The following PIK3C2G variants were observed in gnomAD, a reference collection of about 807,000 sequenced individuals.
The protein encoded by PIK3C2G is phosphatidylinositol 3-kinase C2 domain-containing subunit gamma.
Under a neutral mutation model 181.1 loss-of-function variants are expected in PIK3C2G, and 168 were observed. The ratio of observed to expected loss-of-function variants is 0.93; its 90% CI spans 0.82 to 1.05. The LOEUF is 1.05. Ranked by LOEUF, PIK3C2G falls within the 50% of genes least tolerant of loss-of-function variation. The pLI is 0.00. For missense variants in PIK3C2G, 1,869 were observed against 1,732.8 expected (o/e 1.08, Z -1.40); for synonymous variants, 573 against 592.2 (o/e 0.97, Z 0.47).
chr12:18,276,000 C>T (rs1948970485), intron 1 of PIK3C2G, among the ~76,000 whole-genome samples: 1 of 152,144 alleles, frequency 6.6e-6, no homozygotes, highest in Non-Finnish European at 1.5e-5. Context: ...AAAGAACACT[C>T]AGTAAAACAA....
intron 29 of PIK3C2G, among the ~76,000 whole-genome samples, chr12:18,587,217 C>T (rs537416749): frequency 6.6e-5 from 10 of 152,086 alleles, no homozygotes; most frequent in South Asian, 4.2e-4. Context: ...AGCAATAAGG[C>T]GAGAGAAATA....
chr12:18,341,489 G>A (rs1286511174), intron 9 of PIK3C2G, among the ~76,000 whole-genome samples: 1 of 150,162 alleles, frequency 6.7e-6, no homozygotes, highest in Admixed American at 6.6e-5. Context: ...AAAAGGAGTT[G>A]AAAATAAGGA....
chr12:18,348,949 T>C (rs4471494), intron 11 of PIK3C2G, among the ~76,000 whole-genome samples: 16,125 of 152,066 alleles, frequency 0.11, 1,209 homozygotes, highest in Admixed American at 0.25. Flanking sequence ...TAAGGTGATA[T>C]TGATGTGGTT....
Position 18,546,419 on chromosome 12 carries a change from A to T in PIK3C2G, c.3577A>T (p.Ser1193Cys). The part of the protein sequence containing the change: ...RPQDTDLEAT[S>C]HFTKKIKESL... ...ACAAGACACAGACCTGGAAGCAACA[A>T]GTCATTTTACCAAGTAAGATCACCT... Residue 1193 changes from serine to cysteine, a missense_variant, in exon 26 of 33, where the codon AGT becomes TGT. Transcript: ENST00000538779. 6.3e-7 allele frequency: 1 copy of T among 1,580,708 alleles called. No homozygotes were observed. The highest frequency in any genetic ancestry group is 1.1e-5 in the South Asian group (1 of 87,740).
chr12:18,697,038 C>A, the PIK3C2G span, among the ~76,000 whole-genome samples: 1 of 152,100 alleles, frequency 6.6e-6, no homozygotes, highest in African/African-American at 2.4e-5. Flanking sequence ...TTCAAACTAA[C>A]TTAAACCCTT....
rs373787112 is a variant in PIK3C2G, at chr12:18,546,476, C to T, written c.3590+44C>T. 49 of 1,009,634 alleles carry T rather than the reference C, an allele frequency of 4.9e-5. 1 individual carries two copies. Among genetic ancestry groups the T allele is most frequent in the Admixed American group, 2.0e-4 (10 of 50,830 alleles). 62.5% of individuals were successfully genotyped at this position (1,009,634 alleles called of 1,614,324 possible). On this transcript the variant is annotated intron_variant, in intron 26 of 32. Coordinates refer to ENST00000538779, the MANE Select transcript of PIK3C2G (RefSeq NM_001288772.2). Reference sequence around the variant, plus strand: ...GTGTGAGCATGCATGCATGAATGTACGCAGACACATGTTCCACAGTGGAGA... The same window carrying T: ...GTGTGAGCATGCATGCATGAATGTATGCAGACACATGTTCCACAGTGGAGA...
Position 18,595,777 on chromosome 12 carries a change from A to C in PIK3C2G, c.4087+1208A>C, listed in dbSNP as rs564174615. On this transcript the variant is annotated intron_variant, in intron 30 of 32. Transcript: ENST00000538779. ...CTGCTGCCACTGTCTTGAAATTCTT[A>C]ATAAGTTTTGAAAAATCATCCCCAC... 1.7e-4 allele frequency among the ~76,000 whole-genome samples: 26 copies of C among 152,146 alleles called. No individual in the cohort carries two copies. In the South Asian group the frequency reaches 5.4e-3, roughly 32 times the overall value.
At chr12:18,723,420 A>C in the PIK3C2G span, 5 of 1,613,016 alleles carry the variant, frequency 3.1e-6, no homozygotes, top group Non-Finnish European at 4.2e-6. Flanking sequence ...TTGCTAAAAG[A>C]ATTTTCCGGT....
intron 29 of PIK3C2G, among the ~76,000 whole-genome samples, chr12:18,582,798 G>T (rs923369863): frequency 1.3e-4 from 19 of 151,830 alleles, no homozygotes; most frequent in African/African-American, 4.6e-4. Context: ...AGAAAAAGCA[G>T]TCAGACTGCT....
chr12:18,704,899 T>C, the PIK3C2G span, among the ~76,000 whole-genome samples: 1 of 152,126 alleles, frequency 6.6e-6, no homozygotes, highest in Non-Finnish European at 1.5e-5. Context: ...TCCTTAATAC[T>C]AATTGCTTTG....
At chr12:18,696,237 AC>A in the PIK3C2G span, 1 of 1,593,566 alleles carries the variant, frequency 6.3e-7, no homozygotes, top group Non-Finnish European at 8.6e-7. Context: ...CTGGTAATGA[AC>A]TTCCTGGTGT....
the PIK3C2G span, chr12:18,699,992 A>G: frequency 6.4e-7 from 1 of 1,559,740 alleles, no homozygotes; most frequent in Non-Finnish European, 8.7e-7. Flanking sequence ...TATGCTAATC[A>G]TTGGGAAAAA....
chr12:18,445,365 A>G (rs764485094), intron 18 of PIK3C2G, among the ~76,000 whole-genome samples: 1 of 152,058 alleles, frequency 6.6e-6, no homozygotes, highest in Non-Finnish European at 1.5e-5. Context: ...TTGGTATTCA[A>G]CTTGAATTAT....
At chr12:18,697,922 T>G in the PIK3C2G span, among the ~76,000 whole-genome samples, 1 of 152,124 alleles carries the variant, frequency 6.6e-6, no homozygotes, top group Non-Finnish European at 1.5e-5. Flanking sequence ...CTATGCCCCT[T>G]CAAAGAAATG....
intron 1 of PIK3C2G, among the ~76,000 whole-genome samples, chr12:18,266,496 A>T (rs562824669): frequency 9.5e-4 from 144 of 152,264 alleles, no homozygotes; most frequent in African/African-American, 3.4e-3. Context: ...ATTTAGACCT[A>T]GTCAATGTTA....
intron 31 of PIK3C2G, among the ~76,000 whole-genome samples, chr12:18,626,780 G>A (rs892293386): frequency 1.3e-5 from 2 of 151,844 alleles, no homozygotes; most frequent in African/African-American, 4.8e-5. Flanking sequence ...AAGTTTGCTG[G>A]TAGTTGTATT....
At chr12:18,292,942 CACTA>C (rs916007761) in intron 4 of PIK3C2G, among the ~76,000 whole-genome samples, 4 of 152,130 alleles carry the variant, frequency 2.6e-5, no homozygotes, top group African/African-American at 9.7e-5. Context: ...TGACACTTAA[CACTA>C]ACTGTGTAAT....
At chr12:18,635,531 C>G (rs1369384805) in intron 31 of PIK3C2G, among the ~76,000 whole-genome samples, 1 of 152,140 alleles carries the variant, frequency 6.6e-6, no homozygotes, top group Non-Finnish European at 1.5e-5. Context: ...GGCCTAGTAG[C>G]AGGTCAAGAG....
intron 18 of PIK3C2G, among the ~76,000 whole-genome samples, chr12:18,437,664 A>G (rs1054661055): frequency 6.6e-6 from 1 of 151,970 alleles, no homozygotes; most frequent in Non-Finnish European, 1.5e-5. Context: ...AAATGTCATT[A>G]ATTTACCAAA....
Sources: gnomAD v4.1 joint callset for allele counts (sites outside exome capture counted in the v4.1 genomes callset) on GRCh38, gnomAD v4.1.1 for gene constraint, MANE v1.5 for transcripts, NCBI Gene and HGNC (gene_info 2026-07-23, HGNC 2026-07-21) for gene names.